PRR11: variants seen among roughly 807,000 people sequenced by gnomAD.
PRR11 encodes proline rich 11, also known as proline-rich protein 11.
A neutral mutation model predicts 45.6 loss-of-function variants in PRR11; 30 were observed. That is an observed-to-expected ratio of 0.66 (90% CI 0.49 to 0.89). The LOEUF (loss-of-function observed/expected upper bound fraction) is 0.89, where lower values mean the gene tolerates loss of function less well. Among genes scored for constraint, PRR11 ranks in the 40% least tolerant of loss-of-function variants. The pLI is 0.00. For missense variants in PRR11, 373 were observed against 424.8 expected, an observed-to-expected ratio of 0.88 and a Z score of 1.07; for synonymous variants, 128 against 153.5, an observed-to-expected ratio of 0.83 and a Z score of 1.23.
intron 4 of PRR11, among the ~76,000 whole-genome samples, chr17:59,189,335 A>T (rs1375825764): frequency 2.0e-5 from 3 of 151,316 alleles, no homozygotes; most frequent in Non-Finnish European, 2.9e-5. Flanking sequence ...AAATAGAATA[A>T]TTTTTTTTGT....
At position 59,198,708 on chromosome 17, in the gene PRR11, GTGCCTGTAA is replaced by G. The variant is rs1039101686; in HGVS notation, c.1014+921_1014+929del. Among the ~76,000 whole-genome samples, 14 of 150,892 alleles carry G rather than the reference GTGCCTGTAA, an allele frequency of 9.3e-5. 1 individual carries two copies. Among genetic ancestry groups the G allele is most frequent in the Admixed American group, 7.3e-4 (11 of 15,064 alleles). On this transcript the variant is annotated intron_variant, in intron 9 of 9. Transcript: ENST00000262293. ...AAAAATTAGCCATGTATGGTGACTC[GTGCCTGTAA>G]TCCCGGCTACTTGGGTGGCTAAGGC...
Position 59,182,038 on chromosome 17 carries a change from T to G in PRR11, c.129-3016T>G, listed in dbSNP as rs574059226. On this transcript the variant is annotated intron_variant, in intron 2 of 9. Coordinates refer to ENST00000262293, the MANE Select transcript of PRR11 (RefSeq NM_018304.4). ...TTTTTTGTTATTGGTTTTTTTTTTT[T>G]TTGTTTCGAGACAGAATCTTGCTTT... Among the ~76,000 whole-genome samples the G allele has an allele frequency of 1.0e-3, 159 of 151,634 alleles. 1 individual carries two copies. Among genetic ancestry groups the G allele is most frequent in the Middle Eastern group, 3.4e-3 (1 of 294 alleles).
At chr17:59,167,997 C>T (rs2046687967) in intron 1 of PRR11, among the ~76,000 whole-genome samples, 2 of 152,070 alleles carry the variant, frequency 1.3e-5, no homozygotes, top group South Asian at 4.1e-4. Flanking sequence ...TACCCAGCTC[C>T]TATTCAAGAT....
intron 2 of PRR11, among the ~76,000 whole-genome samples, chr17:59,180,687 G>A (rs1043969640): frequency 1.3e-5 from 2 of 150,284 alleles, no homozygotes; most frequent in African/African-American, 4.9e-5. Context: ...TGTATTTTTA[G>A]TATTGACTAG....
intron 4 of PRR11, among the ~76,000 whole-genome samples, chr17:59,191,601 A>C (rs1283975927): frequency 1.3e-5 from 2 of 152,112 alleles, no homozygotes; most frequent in Non-Finnish European, 2.9e-5. Context: ...AGCCTCAGGA[A>C]GTTAATGCCT....
At position 59,201,816 on chromosome 17, in the gene PRR11, C is replaced by A; in HGVS notation, c.*185C>A. On this transcript the variant is annotated 3_prime_UTR_variant, in exon 10 of 10. Coordinates refer to ENST00000262293, the MANE Select transcript of PRR11 (RefSeq NM_018304.4). ...TGAAACTCCTTCCCCACTAAAAATA[C>A]AGAAATTAGCTGGGCATAGTGGCGG... The A allele has an allele frequency of 1.7e-6, 1 of 575,462 alleles. No individual in the cohort carries two copies. The highest frequency in any genetic ancestry group is 3.1e-6 in the Non-Finnish European group (1 of 323,660). 35.6% of individuals were successfully genotyped at this position (575,462 alleles called of 1,614,324 possible). A position where few individuals can be genotyped will look rare whatever the true frequency, so the allele number is the denominator to read the frequency against.
chr17:59,189,948 TG>T (rs2046833356), intron 4 of PRR11, among the ~76,000 whole-genome samples: 1 of 152,154 alleles, frequency 6.6e-6, no homozygotes, highest in Middle Eastern at 3.4e-3. Flanking sequence ...CATTCTAGCC[TG>T]GGCAACATAG....
At chr17:59,188,895 G>A (rs534820047) in intron 4 of PRR11, among the ~76,000 whole-genome samples, 14 of 151,406 alleles carry the variant, frequency 9.2e-5, no homozygotes, top group African/African-American at 2.2e-4. Flanking sequence ...AGCTGAGATC[G>A]CGCCACAGCA....
intron 1 of PRR11, among the ~76,000 whole-genome samples, chr17:59,156,154 C>T (rs2046622501): frequency 6.6e-6 from 1 of 152,200 alleles, no homozygotes; most frequent in East Asian, 1.9e-4. Flanking sequence ...TCGGACTCCA[C>T]CCAAATTTAC....
intron 9 of PRR11, among the ~76,000 whole-genome samples, chr17:59,200,921 G>A (rs996471845): frequency 2.6e-5 from 4 of 151,852 alleles, no homozygotes; most frequent in Admixed American, 1.3e-4. Context: ...CACCGTCCTC[G>A]GCCCACAACT....
chr17:59,190,091 C>T (rs1299339849), intron 4 of PRR11, among the ~76,000 whole-genome samples: 1 of 152,158 alleles, frequency 6.6e-6, no homozygotes, highest in Non-Finnish European at 1.5e-5. Flanking sequence ...CACACTCTAC[C>T]TTTCATGACT....
chr17:59,181,487 G>T (rs2046786348), intron 2 of PRR11: 1 of 1,110,910 alleles, frequency 9.0e-7, no homozygotes, highest in Non-Finnish European at 1.3e-6. Context: ...AGGATTGGAG[G>T]TGCTCTCTGG....
At chr17:59,173,409 C>T (rs992303738) in intron 2 of PRR11, among the ~76,000 whole-genome samples, 1 of 152,192 alleles carries the variant, frequency 6.6e-6, no homozygotes, top group Non-Finnish European at 1.5e-5. Flanking sequence ...TGCTACTGGT[C>T]ACTCTTTGGG....
At chr17:59,188,942 AAAT>A (rs56917280) in intron 4 of PRR11, among the ~76,000 whole-genome samples, 5,893 of 144,284 alleles carry the variant, frequency 0.041, 374 homozygotes, top group African/African-American at 0.13. Context: ...TGTGTCTCAA[AAAT>A]AATAATAATA....
At chr17:59,184,029 C>T (rs1187690806) in intron 2 of PRR11, among the ~76,000 whole-genome samples, 1 of 152,076 alleles carries the variant, frequency 6.6e-6, no homozygotes, top group African/African-American at 2.4e-5. Flanking sequence ...CGCTTGAGCC[C>T]AGGACTTAGA....
intron 2 of PRR11, among the ~76,000 whole-genome samples, chr17:59,177,510 G>A (rs1599697997): frequency 6.6e-6 from 1 of 152,112 alleles, no homozygotes; most frequent in Admixed American, 6.6e-5. Context: ...GAAGGAGTGT[G>A]TCTAGGTCGG....
At chr17:59,156,480 A>C (rs2046624360) in intron 1 of PRR11, among the ~76,000 whole-genome samples, 1 of 152,116 alleles carries the variant, frequency 6.6e-6, no homozygotes, top group Non-Finnish European at 1.5e-5. Context: ...GTGTTCAAGA[A>C]GAATCAATTG....
chr17:59,174,283 C>A (rs1465715545), intron 2 of PRR11, among the ~76,000 whole-genome samples: 1 of 152,194 alleles, frequency 6.6e-6, no homozygotes, highest in African/African-American at 2.4e-5. Context: ...CATGCTAGAT[C>A]CGTTTCTAAT....
intron 4 of PRR11, among the ~76,000 whole-genome samples, chr17:59,187,388 A>G (rs564636325): frequency 1.3e-5 from 2 of 152,062 alleles, no homozygotes; most frequent in African/African-American, 4.8e-5. Flanking sequence ...AGCCTAGCCA[A>G]TGTGAAACCC....
Sources: allele counts gnomAD v4.1 joint callset (sites outside exome capture counted in the v4.1 genomes callset), GRCh38; gene constraint gnomAD v4.1.1; transcripts MANE v1.5; gene names NCBI Gene and HGNC (gene_info 2026-07-23, HGNC 2026-07-21).